Variants in SLIT3 observed in about 807,000 individuals in gnomAD.
SLIT3 encodes slit guidance ligand 3.
Under a neutral mutation model 184.0 loss-of-function variants are expected in SLIT3, and 68 were observed. The observed-to-expected ratio is 0.37, with a 90% CI of 0.30 to 0.45. The LOEUF (loss-of-function observed/expected upper bound fraction) is 0.45. SLIT3 is among the 20% of genes least tolerant of loss of function. The pLI, the probability that SLIT3 is intolerant of heterozygous loss-of-function variation, is 1.00. For synonymous variants in SLIT3, 831 were observed against 828.6 expected, an observed-to-expected ratio of 1.00 and a Z score of -0.05; for missense variants, 1,707 against 2,026.0, an observed-to-expected ratio of 0.84 and a Z score of 3.02.
chr5:168,978,001 G>T (rs577929528), intron 4 of SLIT3, among the ~76,000 whole-genome samples: 1 of 152,286 alleles, frequency 6.6e-6, no homozygotes, highest in African/African-American at 2.4e-5. Flanking sequence ...AGTTAGAACT[G>T]AATCCAACCT....
At chr5:169,104,099 A>G (rs2113237699) in intron 4 of SLIT3, among the ~76,000 whole-genome samples, 1 of 152,248 alleles carries the variant, frequency 6.6e-6, no homozygotes, top group Non-Finnish European at 1.5e-5. Flanking sequence ...CTTCTCACTT[A>G]ATTCTCCTAT....
At chr5:168,951,430 G>T (rs1045567244) in intron 4 of SLIT3, among the ~76,000 whole-genome samples, 1 of 152,134 alleles carries the variant, frequency 6.6e-6, no homozygotes, top group African/African-American at 2.4e-5. Flanking sequence ...GCCACTGGGT[G>T]GGGGAGGTGG....
chr5:168,843,813 A>G (rs1758351631), intron 6 of SLIT3, among the ~76,000 whole-genome samples: 1 of 152,220 alleles, frequency 6.6e-6, no homozygotes. Context: ...GAATGACCCC[A>G]AGATGACTCC....
At chr5:169,073,400 T>C (rs1206343479) in intron 4 of SLIT3, among the ~76,000 whole-genome samples, 1 of 151,900 alleles carries the variant, frequency 6.6e-6, no homozygotes, top group Non-Finnish European at 1.5e-5. Context: ...GCCTCCTCTG[T>C]CATTCGTTCT....
intron 4 of SLIT3, among the ~76,000 whole-genome samples, chr5:168,894,987 G>C (rs745733284): frequency 2.6e-5 from 4 of 152,112 alleles, no homozygotes; most frequent in Non-Finnish European, 4.4e-5. Context: ...CTCCTTCCAG[G>C]CAAATTGTCT....
intron 4 of SLIT3, among the ~76,000 whole-genome samples, chr5:169,178,893 T>A (rs1402693376): frequency 1.3e-5 from 2 of 152,184 alleles, no homozygotes; most frequent in Admixed American, 6.5e-5. Flanking sequence ...CTTGAGCAAA[T>A]AAAGAGAGTC....
chr5:169,256,276 C>T (rs1343126388), intron 1 of SLIT3, among the ~76,000 whole-genome samples: 2 of 152,050 alleles, frequency 1.3e-5, no homozygotes, highest in Non-Finnish European at 2.9e-5. Context: ...ATAGCAAGAC[C>T]CTGTCTCTTA....
chr5:169,081,292 G>C (rs890000148), intron 4 of SLIT3, among the ~76,000 whole-genome samples: 2 of 152,230 alleles, frequency 1.3e-5, no homozygotes, highest in Non-Finnish European at 2.9e-5. Flanking sequence ...AGCCTGGGAA[G>C]AGGAGAGGAA....
intron 1 of SLIT3, chr5:169,263,699 C>G (rs1385008539): frequency 3.9e-6 from 2 of 509,960 alleles, no homozygotes; most frequent in Admixed American, 4.2e-5. Flanking sequence ...ACCCCACACT[C>G]CCCCTGCAGC....
chr5:169,262,522 T>C (rs1581114492), intron 1 of SLIT3, among the ~76,000 whole-genome samples: 1 of 152,040 alleles, frequency 6.6e-6, no homozygotes, highest in Non-Finnish European at 1.5e-5. Flanking sequence ...AGGCAGGTGG[T>C]GTCCAGGCTG....
At chr5:168,952,899 G>C (rs1274356275) in intron 4 of SLIT3, among the ~76,000 whole-genome samples, 1 of 152,218 alleles carries the variant, frequency 6.6e-6, no homozygotes, top group African/African-American at 2.4e-5. Context: ...GGGGTTTATA[G>C]CCAAAGAGCA....
intron 16 of SLIT3, among the ~76,000 whole-genome samples, chr5:168,760,544 A>T (rs1755109910): frequency 6.6e-6 from 1 of 152,084 alleles, no homozygotes; most frequent in Non-Finnish European, 1.5e-5. Context: ...GCTAGTCCTT[A>T]CCTGAGTCCC....
chr5:169,074,777 C>T (rs1321866047), intron 4 of SLIT3, among the ~76,000 whole-genome samples: 1 of 152,146 alleles, frequency 6.6e-6, no homozygotes, highest in African/African-American at 2.4e-5. Context: ...CAAACTGTGG[C>T]CGTGGCCTTG....
intron 5 of SLIT3, among the ~76,000 whole-genome samples, chr5:168,878,522 T>C (rs1430213216): frequency 1.3e-5 from 2 of 152,304 alleles, no homozygotes; most frequent in Non-Finnish European, 2.9e-5. Context: ...TTTGCAGGCA[T>C]GGCTGTGAGA....
intron 17 of SLIT3, 41 bp from the exon 18 acceptor site, chr5:168,753,139 T>G: frequency 6.2e-7 from 1 of 1,608,402 alleles, no homozygotes; most frequent in Non-Finnish European, 8.5e-7. Context: ...ACAGGCATGA[T>G]CTTTTCTGTC....
At chr5:168,702,770 T>G (rs1762254880) in intron 26 of SLIT3, among the ~76,000 whole-genome samples, 1 of 152,108 alleles carries the variant, frequency 6.6e-6, no homozygotes, top group Admixed American at 6.5e-5. Context: ...TTTCAGGTCT[T>G]TGGTTGGTGC....
chr5:169,027,734 A>G lies in SLIT3; in HGVS notation c.414-144398T>C, dbSNP rs1196883368. On this transcript the variant is annotated intron_variant, in intron 4 of 35. Coordinates refer to ENST00000519560, the MANE Select transcript of SLIT3 (RefSeq NM_003062.4). The stretch of plus-strand genomic sequence containing the variant: ...CTTGGCCGCAGCGGTTCTGCTTTTT[A>G]TACATTCCTCCTGCCTTGTTTCCTG... Among the ~76,000 whole-genome samples the G allele has an allele frequency of 3.9e-5, 6 of 152,166 alleles. No individual in the cohort carries two copies. In the East Asian group the frequency reaches 7.7e-4, roughly 20 times the overall value.
At chr5:168,894,649 A>C (rs181725418) in intron 4 of SLIT3, among the ~76,000 whole-genome samples, 1 of 152,326 alleles carries the variant, frequency 6.6e-6, no homozygotes, top group East Asian at 1.9e-4. Context: ...GGGAATGAGC[A>C]GTTACAGTGG....
chr5:168,734,584 T>C (rs1326424903), intron 20 of SLIT3, among the ~76,000 whole-genome samples: 3 of 152,234 alleles, frequency 2.0e-5, no homozygotes, highest in Admixed American at 1.3e-4. Context: ...GAATGTTCCA[T>C]GTGCTGGTGA....
Sources: gnomAD v4.1 joint callset for allele counts (sites outside exome capture counted in the v4.1 genomes callset) on GRCh38, gnomAD v4.1.1 for gene constraint, MANE v1.5 for transcripts, NCBI Gene and HGNC (gene_info 2026-07-23, HGNC 2026-07-21) for gene names.